SPTBN5: variants seen among roughly 807,000 people sequenced by gnomAD.
SPTBN5 encodes spectrin beta, non-erythrocytic 5.
SPTBN5 carries 513 observed loss-of-function variants against 477.6 expected under a neutral mutation model. The ratio of observed to expected loss-of-function variants is 1.07; its 90% CI spans 1.00 to 1.16. SPTBN5 has a LOEUF of 1.16. Ranked by LOEUF, SPTBN5 falls within the 50% of genes most tolerant of loss-of-function variation. The probability of loss-of-function intolerance (pLI) is 0.00; values close to 1 mark genes in which losing one functional copy is unlikely to be tolerated. For missense variants in SPTBN5, 5,062 were observed against 4,731.8 expected, an observed-to-expected ratio of 1.07 and a Z score of -2.05; for synonymous variants, 2,169 against 2,011.7, an observed-to-expected ratio of 1.08 and a Z score of -2.09.
chr15:41,880,021 G>T, intron 14 of SPTBN5, 139 bp downstream of exon 14: 2 of 1,409,294 alleles, frequency 1.4e-6, no homozygotes, highest in Non-Finnish European at 1.9e-6. Context: ...GGGCCAGGAG[G>T]CCCTCGAAAT....
At chr15:41,866,005 C>A (rs558585006) in intron 38 of SPTBN5, 33 bp downstream of exon 38, 2 of 1,548,582 alleles carry the variant, frequency 1.3e-6, no homozygotes, top group Non-Finnish European at 8.7e-7. Context: ...CTCCTCCCCC[C>A]ATCTCTCAGC....
intron 45 of SPTBN5, 54 bp downstream of exon 45, chr15:41,861,681 C>T (rs959888195): frequency 2.8e-5 from 42 of 1,512,830 alleles, no homozygotes; most frequent in Middle Eastern, 2.0e-4. Flanking sequence ...GTGGGGTCAG[C>T]GCAGGCCCTG....
At position 41,882,326 on chromosome 15, in the gene SPTBN5, G is replaced by A; in HGVS notation, c.2190C>T (p.Leu730=). Residue 730 remains leucine, a synonymous_variant, in exon 11 of 68, where the codon CTC becomes CTT. Coordinates refer to ENST00000320955, the MANE Select transcript of SPTBN5 (RefSeq NM_016642.4). ...AEAVQGGWQL[L]QTRVVGRGAR... is the part of the protein sequence containing the mutation. ...CGCCCCGCCCCACCACCCGGGTCTG[G>A]AGCAGCTGCCACCCTCCCTGAACGG... 2.0e-6 allele frequency: 3 copies of A among 1,533,978 alleles called. No individual in the cohort carries two copies. The highest frequency in any genetic ancestry group is 1.2e-5 in the South Asian group (1 of 83,966).
chr15:41,888,006 T>C lies in SPTBN5; in HGVS notation c.581A>G (p.Tyr194Cys). Residue 194 changes from tyrosine (Y) to cysteine (C), a missense_variant, in exon 5 of 68, where the codon TAC becomes TGC. Physicochemically the swap from Tyr to Cys is radical, Grantham distance 194. Transcript: ENST00000320955. The part of the protein sequence containing the change: ...LVWCQRKTAS[Y>C]TNVNITDFSR... ...GAAATCTGTAATGTTCACGTTGGTG[T>C]AGCTGGCTGTCTTCCGCTGGCACCA... 1 of 1,600,278 alleles carries C rather than the reference T, an allele frequency of 6.2e-7. No homozygotes were observed. The highest frequency in any genetic ancestry group is 8.5e-7 in the Non-Finnish European group (1 of 1,173,828).
chr15:41,879,537 C>T (rs1229389666), intron 15 of SPTBN5, 38 bp from the exon 16 acceptor site: 2 of 1,525,786 alleles, frequency 1.3e-6, no homozygotes, highest in Non-Finnish European at 1.8e-6. Context: ...ACAACAGGGA[C>T]ACCTCCCCAT....
chr15:41,882,092 C>T lies in SPTBN5; in HGVS notation c.2301G>A (p.Ser767=), dbSNP rs1010190200. 5 of 1,573,718 alleles carry T rather than the reference C, an allele frequency of 3.2e-6. No homozygotes were observed. Among genetic ancestry groups the T allele is most frequent in the Non-Finnish European group, 4.3e-6 (5 of 1,171,060 alleles). The change falls in exon 12 of 68, where the codon TCG becomes TCA. Residue 767 remains serine (S), a synonymous_variant. Coordinates refer to ENST00000320955, the MANE Select transcript of SPTBN5 (RefSeq NM_016642.4). ...AASWLRERRS[S]LERASCGQDQ... ...CCTGACCGCAGGACGCTCTCTCCAG[C>T]GAGGATCGCCGCTCGCGCAGCCACG...
Position 41,892,982 on chromosome 15 carries a change from CCT to C in SPTBN5, c.294_295del (p.Glu100GlyfsTer146), listed in dbSNP as rs1251752823. The C allele has an allele frequency of 1.9e-6, 3 of 1,609,848 alleles. No individual in the cohort carries two copies. The highest frequency in any genetic ancestry group is 1.3e-5 in the African/African-American group (1 of 74,936). On this transcript the variant is annotated frameshift_variant, in exon 3 of 68. Transcript: ENST00000320955. LOFTEE classifies it high-confidence loss of function. ...CCGGCTCGGGGGTGGCAGGGCCTCCCCTGAGATGAGCTCCAGCAGCCGCAGGA... is the reference window on the plus strand; with the variant it reads ...CCGGCTCGGGGGTGGCAGGGCCTCCCGAGATGAGCTCCAGCAGCCGCAGGA...
intron 16 of SPTBN5, 79 bp from the exon 17 acceptor site, chr15:41,878,708 T>C (rs1050101650): frequency 1.4e-6 from 2 of 1,454,380 alleles, no homozygotes; most frequent in Non-Finnish European, 1.8e-6. Flanking sequence ...TCTCCAAACC[T>C]GCATCCCCCA....
chr15:41,888,542 C>A (rs1422380836), intron 4 of SPTBN5, among the ~76,000 whole-genome samples: 1 of 152,190 alleles, frequency 6.6e-6, no homozygotes, highest in Admixed American at 6.5e-5. Context: ...CTCATTGCAA[C>A]CTCTGCCTCC....
Position 41,873,559 on chromosome 15 carries a change from G to T in SPTBN5, c.4940C>A (p.Pro1647Gln). 6.4e-7 allele frequency: 1 copy of T among 1,552,194 alleles called. No homozygotes were observed. The highest frequency in any genetic ancestry group is 8.7e-7 in the Non-Finnish European group (1 of 1,147,296). Residue 1647 changes from proline (P) to glutamine (Q), a missense_variant, in exon 26 of 68, where the codon CCG becomes CAG. By Grantham distance (76) the Pro-to-Gln change is moderately conservative (BLOSUM62 -1). Transcript: ENST00000320955. ...ELEGWVEEKR[P>Q]LVSSRDYGRD... ...GCCATAGTCCCGACTGCTCACCAGC[G>T]GCCGCTTCTCCTCCACCCAGCCCTC...
rs770147789 is a variant in SPTBN5 at position 41,892,964 on chromosome 15, G to A, written c.314C>T (p.Pro105Leu). The A allele has an allele frequency of 7.5e-6, 12 of 1,608,866 alleles. No individual in the cohort carries two copies. The highest frequency in any genetic ancestry group is 1.7e-4 in the Middle Eastern group (1 of 6,042). Residue 105 changes from proline (P) to leucine (L), a missense_variant, in exon 3 of 68, where the codon CCG (proline) becomes CTG (leucine). Physicochemically the swap from Pro to Leu is moderately conservative, Grantham distance 98. Coordinates refer to ENST00000320955, the MANE Select transcript of SPTBN5 (RefSeq NM_016642.4). ...GTGCACACGCAGGCGGCCCCGGCTC[G>A]GGGGTGGCAGGGCCTCCCCTGAGAT... is the stretch of plus-strand genomic sequence containing the variant. The part of the protein sequence containing the change: ...ELISGEALPP[P>L]SRGRLRVHFL...
In SPTBN5 at chr15:41,881,935, C is replaced by G. The variant is rs767252565; in HGVS notation, c.2457+1G>C. The G allele has an allele frequency of 6.5e-7, 1 of 1,528,584 alleles. No individual in the cohort carries two copies. Among genetic ancestry groups the G allele is most frequent in the South Asian group, 1.2e-5 (1 of 83,602 alleles). The allele number at this position is 1,528,584 out of a possible 1,614,324, so 94.7% of individuals were successfully genotyped here. On this transcript the variant is annotated splice_donor_variant, in intron 12 of 67. Transcript: ENST00000320955. LOFTEE classifies it high-confidence loss of function. The stretch of plus-strand genomic sequence containing the variant: ...GCGCCCTTCCCTGTCCCCGTCCTCA[C>G]CGTGAATAACGACGCCCGGGCCGAG...
chr15:41,852,065 G>A, intron 62 of SPTBN5, 117 bp downstream of exon 62: 1 of 1,307,180 alleles, frequency 7.7e-7, no homozygotes, highest in Non-Finnish European at 1.0e-6. Context: ...CAGCTCCTGT[G>A]CCCGGGCTCC....
In SPTBN5 at chr15:41,883,430, C is replaced by T; in HGVS notation, c.1577G>A (p.Arg526Lys). The change falls in exon 8 of 68, where the codon AGG becomes AAG. Residue 526 changes from arginine (R) to lysine (K), a missense_variant. Coordinates refer to ENST00000320955, the MANE Select transcript of SPTBN5 (RefSeq NM_016642.4). ...QRLLQHLQGQ[R>K]KQVADMQAVL... ...AGCCTGCATGTCTGCCACCTGCTTC[C>T]TCTGTCCCTGTAGATGCTGAAGGAG... 1.9e-6 allele frequency: 3 copies of T among 1,613,988 alleles called. No homozygotes were observed. Among genetic ancestry groups the T allele is most frequent in the East Asian group, 4.5e-5 (2 of 44,882 alleles).
In SPTBN5 at chr15:41,855,406, G is replaced by A; in HGVS notation, c.9241C>T (p.Gln3081Ter). The part of the protein sequence containing the change: ...PESPKVLAQL[Q>*]AVREAHAELL... ...TCTGCGTGGGCCTCCCGAACTGCCT[G>A]CAGCTGGGCTAGCACCTTGGGGCTG... is the stretch of plus-strand genomic sequence containing the variant. Residue 3081 changes from glutamine to a stop codon, truncating the protein, a stop_gained, in exon 55 of 68, where the codon CAG (glutamine) becomes TAG (stop). Transcript: ENST00000320955. LOFTEE classifies it high-confidence loss of function. 6.2e-7 allele frequency: 1 copy of A among 1,604,176 alleles called. No homozygotes were observed. The highest frequency in any genetic ancestry group is 8.5e-7 in the Non-Finnish European group (1 of 1,178,608).
At position 41,857,562 on chromosome 15, in the gene SPTBN5, C is replaced by T. The variant is rs1326089127; in HGVS notation, c.8364+11G>A. The T allele has an allele frequency of 9.3e-6, 15 of 1,607,526 alleles. No homozygotes were observed. Among genetic ancestry groups the T allele is most frequent in the Non-Finnish European group, 1.2e-5 (14 of 1,176,232 alleles). Reference sequence around the variant, plus strand: ...GCCCGGCCAGCCACCCCTCGGCCTGCACAACCTCACCTCACAGGCCTTCTG... The same window carrying T: ...GCCCGGCCAGCCACCCCTCGGCCTGTACAACCTCACCTCACAGGCCTTCTG... On this transcript the variant is annotated intron_variant, in intron 50 of 67. Transcript: ENST00000320955.
intron 51 of SPTBN5, 64 bp from the exon 52 acceptor site, chr15:41,857,103 G>C: frequency 6.5e-7 from 1 of 1,532,764 alleles, no homozygotes; most frequent in African/African-American, 1.4e-5. Context: ...AGGGATACCT[G>C]GTGACACAGA....
At chr15:41,870,661 T>C in intron 29 of SPTBN5, 101 bp from the exon 30 acceptor site, 1 of 971,900 alleles carries the variant, frequency 1.0e-6, no homozygotes, top group Non-Finnish European at 1.5e-6. Context: ...CTGAGTTGTA[T>C]CGGGACTTGC....
chr15:41,879,571 C>G (rs914346714), intron 15 of SPTBN5, 72 bp from the exon 16 acceptor site: 1 of 1,518,640 alleles, frequency 6.6e-7, no homozygotes, highest in African/African-American at 1.4e-5. Flanking sequence ...TTGGCCAGAG[C>G]CTCACGTGAC....
Sources: gnomAD v4.1 joint callset for allele counts (sites outside exome capture counted in the v4.1 genomes callset) on GRCh38, gnomAD v4.1.1 for gene constraint, MANE v1.5 for transcripts, NCBI Gene and HGNC (gene_info 2026-07-23, HGNC 2026-07-21) for gene names.